The following DNER variants were observed in gnomAD, a reference collection of about 807,000 sequenced individuals.
The protein encoded by DNER is delta and Notch-like epidermal growth factor-related receptor.
DNER carries 33 observed loss-of-function variants against 78.2 expected under a neutral mutation model. That is an observed-to-expected ratio of 0.42 (90% CI 0.32 to 0.56). DNER has a LOEUF of 0.56. DNER is among the 20% of genes least tolerant of loss of function. The probability of loss-of-function intolerance (pLI) is 0.11; values close to 1 mark genes in which losing one functional copy is unlikely to be tolerated. For missense variants in DNER, 918 were observed against 975.3 expected (o/e 0.94, Z 0.78); for synonymous variants, 417 against 384.8 (o/e 1.08, Z -0.98).
intron 6 of DNER, among the ~76,000 whole-genome samples, chr2:229,484,727 A>C (rs1206528750): frequency 1.3e-5 from 2 of 152,162 alleles, no homozygotes; most frequent in Non-Finnish European, 2.9e-5. Flanking sequence ...CCAATACACA[A>C]GACAGTCTCC....
At chr2:229,702,831 G>A (rs1466089678) in intron 1 of DNER, among the ~76,000 whole-genome samples, 2 of 151,338 alleles carry the variant, frequency 1.3e-5, no homozygotes, top group African/African-American at 2.4e-5. Flanking sequence ...GCAGGAGAAC[G>A]GTGTGAACAC....
In DNER at chr2:229,369,087, G is replaced by A. The variant is rs73096253; in HGVS notation, c.1856-1968C>T. The stretch of plus-strand genomic sequence containing the variant: ...CATTTACTTGATCTCCTTGAGCTTC[G>A]GTTTCTTTGTTTGTAAAATGGAAAT... On this transcript the variant is annotated intron_variant, in intron 11 of 12. Coordinates refer to ENST00000341772, the MANE Select transcript of DNER (RefSeq NM_139072.4). Among the ~76,000 whole-genome samples the A allele has an allele frequency of 5.3e-3, 804 of 151,970 alleles. 6 individuals carry two copies. The highest frequency in any genetic ancestry group is 0.018 in the African/African-American group (731 of 41,454).
intron 1 of DNER, among the ~76,000 whole-genome samples, chr2:229,633,031 G>C (rs1233256254): frequency 6.6e-6 from 1 of 152,148 alleles, no homozygotes; most frequent in Non-Finnish European, 1.5e-5. Flanking sequence ...CATTACCTAT[G>C]ATGTTGTAAA....
intron 1 of DNER, among the ~76,000 whole-genome samples, chr2:229,606,801 G>C (rs1697947935): frequency 6.6e-6 from 1 of 152,116 alleles, no homozygotes; most frequent in Non-Finnish European, 1.5e-5. Flanking sequence ...GCTGAGGCAG[G>C]AGAATCGCTT....
At chr2:229,543,810 A>T (rs1346747181) in intron 5 of DNER, among the ~76,000 whole-genome samples, 1 of 152,226 alleles carries the variant, frequency 6.6e-6, no homozygotes, top group African/African-American at 2.4e-5. Flanking sequence ...TTATATTGAA[A>T]TGTGAGCTGA....
At chr2:229,373,437 AAGAAACAACAG>A (rs1692531469) in intron 11 of DNER, among the ~76,000 whole-genome samples, 1 of 152,194 alleles carries the variant, frequency 6.6e-6, no homozygotes, top group Non-Finnish European at 1.5e-5. Flanking sequence ...TTAAAAAGTC[AAGAAACAACAG>A]ATATTGGCAA....
At chr2:229,624,174 T>TAAAGAGATGCATCAGGA (rs150592891) in intron 1 of DNER, among the ~76,000 whole-genome samples, 3,225 of 152,150 alleles carry the variant, frequency 0.021, 45 homozygotes, top group Middle Eastern at 0.034. Flanking sequence ...GAGCACCTGC[T>TAAAGAGATGCATCAGGA]AAAGAGATGC....
intron 4 of DNER, among the ~76,000 whole-genome samples, chr2:229,582,566 C>T (rs1697419782): frequency 2.0e-5 from 3 of 152,118 alleles, no homozygotes; most frequent in Admixed American, 2.0e-4. Flanking sequence ...AAGGATGTTA[C>T]TCAAAATCAT....
intron 4 of DNER, among the ~76,000 whole-genome samples, chr2:229,581,340 C>A (rs1697393762): frequency 6.6e-6 from 1 of 152,120 alleles, no homozygotes; most frequent in Non-Finnish European, 1.5e-5. Flanking sequence ...TACGAAACAT[C>A]CAGCAAATGA....
intron 8 of DNER, among the ~76,000 whole-genome samples, chr2:229,432,184 T>G (rs1176205404): frequency 6.6e-6 from 1 of 152,228 alleles, no homozygotes; most frequent in African/African-American, 2.4e-5. Flanking sequence ...TTTAATAAAA[T>G]AATCCCATAC....
chr2:229,416,790 T>C (rs1378751419), intron 9 of DNER, among the ~76,000 whole-genome samples: 1 of 152,114 alleles, frequency 6.6e-6, no homozygotes, highest in African/African-American at 2.4e-5. Context: ...GATGACCCCA[T>C]TCAGGGTCAT....
intron 5 of DNER, among the ~76,000 whole-genome samples, chr2:229,523,253 C>T (rs2154212629): frequency 6.6e-6 from 1 of 152,336 alleles, no homozygotes; most frequent in South Asian, 2.1e-4. Context: ...TGCTAACAAC[C>T]CCATCGTGGG....
chr2:229,365,372 C>T (rs544451160), intron 12 of DNER, among the ~76,000 whole-genome samples: 9 of 152,206 alleles, frequency 5.9e-5, no homozygotes, highest in African/African-American at 9.6e-5. Flanking sequence ...GGAAACAAGA[C>T]GGAGATGAAA....
chr2:229,567,302 A>T (rs1697127613), intron 4 of DNER, among the ~76,000 whole-genome samples: 1 of 152,244 alleles, frequency 6.6e-6, no homozygotes, highest in Non-Finnish European at 1.5e-5. Context: ...TCATGAGAGC[A>T]GAGACTTTTG....
At chr2:229,369,406 T>C (rs537966502) in intron 11 of DNER, among the ~76,000 whole-genome samples, 2 of 151,234 alleles carry the variant, frequency 1.3e-5, no homozygotes, top group Non-Finnish European at 3.0e-5. Flanking sequence ...AAAAAAGTTT[T>C]AACTTTCTAA....
chr2:229,364,210 A>G (rs937656955), intron 12 of DNER, among the ~76,000 whole-genome samples: 47 of 151,582 alleles, frequency 3.1e-4, no homozygotes, highest in Admixed American at 2.4e-3. Flanking sequence ...TAATTTCAGG[A>G]TACTGCAAAT....
At chr2:229,540,052 C>T (rs1696481715) in intron 5 of DNER, among the ~76,000 whole-genome samples, 1 of 152,142 alleles carries the variant, frequency 6.6e-6, no homozygotes, top group Non-Finnish European at 1.5e-5. Flanking sequence ...AATATAAAGA[C>T]ATATAAGCAT....
intron 3 of DNER, among the ~76,000 whole-genome samples, chr2:229,587,967 A>G (rs1407067439): frequency 6.6e-6 from 1 of 151,668 alleles, no homozygotes; most frequent in Admixed American, 6.6e-5. Flanking sequence ...TAAATAAATA[A>G]ATAAAAATTA....
chr2:229,512,813 C>A lies in DNER; in HGVS notation c.1117G>T (p.Gly373Trp). 6.2e-7 allele frequency: 1 copy of A among 1,614,118 alleles called. No homozygotes were observed. The highest frequency in any genetic ancestry group is 8.5e-7 in the Non-Finnish European group (1 of 1,179,992). The change falls in exon 6 of 13, where the codon GGG becomes TGG. Residue 373 changes from glycine (G) to tryptophan (W), a missense_variant. Coordinates refer to ENST00000341772, the MANE Select transcript of DNER (RefSeq NM_139072.4). The stretch of plus-strand genomic sequence containing the variant: ...AGGCAAACACAGGTGAAATTGCTCC[C>A]ATCTTGCTTTTCATTTGCATCAATA... ...SCIDANEKQD[G>W]SNFTCVCLPG...
Sources: gnomAD v4.1 joint callset for allele counts (sites outside exome capture counted in the v4.1 genomes callset) on GRCh38, gnomAD v4.1.1 for gene constraint, MANE v1.5 for transcripts, NCBI Gene and HGNC (gene_info 2026-07-23, HGNC 2026-07-21) for gene names.